Variants in MEOX2 observed in about 807,000 individuals in gnomAD.
MEOX2 encodes mesenchyme homeobox 2.
In MEOX2, 11 loss-of-function variants were observed where a neutral mutation model predicts 27.0. The observed-to-expected ratio is 0.41, with a 90% CI of 0.26 to 0.68. The LOEUF (loss-of-function observed/expected upper bound fraction) is 0.68. Ranked by LOEUF, MEOX2 falls within the 30% of genes least tolerant of loss-of-function variation. The pLI is 0.33. For synonymous variants in MEOX2, 189 were observed against 155.4 expected (o/e 1.22, Z -1.61); for missense variants, 436 against 385.4 (o/e 1.13, Z -1.10).
chr7:15,666,920 G>A (rs901022302), intron 1 of MEOX2, among the ~76,000 whole-genome samples: 1 of 150,120 alleles, frequency 6.7e-6, no homozygotes, highest in African/African-American at 2.5e-5. Flanking sequence ...ACTTGACAAG[G>A]TCCCTTATGT....
At chr7:15,644,426 A>C (rs41343244) in intron 1 of MEOX2, among the ~76,000 whole-genome samples, 3 of 152,138 alleles carry the variant, frequency 2.0e-5, no homozygotes, top group Non-Finnish European at 4.4e-5. Flanking sequence ...TATTTGTTCA[A>C]AGTGTTTCAC....
intron 1 of MEOX2, among the ~76,000 whole-genome samples, chr7:15,670,843 T>A (rs995559346): frequency 1.3e-5 from 2 of 152,166 alleles, no homozygotes; most frequent in African/African-American, 4.8e-5. Flanking sequence ...GGTCCTTGAC[T>A]CTCAGAACTT....
chr7:15,660,208 A>G (rs1781890708), intron 1 of MEOX2, among the ~76,000 whole-genome samples: 1 of 152,202 alleles, frequency 6.6e-6, no homozygotes. Context: ...GAAACACAAA[A>G]GAGCACAGAA....
At chr7:15,685,778 T>G in intron 1 of MEOX2, 108 bp downstream of exon 1, 1 of 1,428,112 alleles carries the variant, frequency 7.0e-7, no homozygotes, top group Non-Finnish European at 9.4e-7. Flanking sequence ...GGGCAACACA[T>G]TCCCATCTTC....
intron 1 of MEOX2, among the ~76,000 whole-genome samples, chr7:15,685,353 T>TA (rs113917849): frequency 0.13 from 19,601 of 146,572 alleles, 1,303 homozygotes; most frequent in Middle Eastern, 0.16. Context: ...ATAAGAATGT[T>TA]AAAAAAAAAA....
chr7:15,675,504 G>A (rs911673917), intron 1 of MEOX2, among the ~76,000 whole-genome samples: 3 of 152,110 alleles, frequency 2.0e-5, no homozygotes, highest in Non-Finnish European at 4.4e-5. Flanking sequence ...AATATTTTAC[G>A]AGATTTTCCT....
intron 1 of MEOX2, among the ~76,000 whole-genome samples, chr7:15,672,361 G>A (rs1166281743): frequency 2.6e-5 from 4 of 152,134 alleles, no homozygotes; most frequent in African/African-American, 9.7e-5. Context: ...TGCACAGAAT[G>A]TATATAGAAT....
chr7:15,677,092 C>T (rs545388618), intron 1 of MEOX2, among the ~76,000 whole-genome samples: 1 of 152,252 alleles, frequency 6.6e-6, no homozygotes, highest in South Asian at 2.1e-4. Flanking sequence ...ATGCCGTTTA[C>T]AATTCTAAGG....
chr7:15,651,254 G>T (rs568564702), intron 1 of MEOX2, among the ~76,000 whole-genome samples: 4 of 151,840 alleles, frequency 2.6e-5, no homozygotes, highest in African/African-American at 9.7e-5. Flanking sequence ...AAATATCCAC[G>T]CTCCTTGGAT....
intron 2 of MEOX2, among the ~76,000 whole-genome samples, chr7:15,613,449 T>G (rs771007836): frequency 4.0e-5 from 6 of 151,696 alleles, no homozygotes; most frequent in Admixed American, 6.6e-5. Flanking sequence ...AACTAGAATA[T>G]AATTGGCATT....
intron 1 of MEOX2, among the ~76,000 whole-genome samples, chr7:15,665,041 TCACACA>T (rs35772927): frequency 0.011 from 1,498 of 141,296 alleles, 25 homozygotes; most frequent in African/African-American, 0.032. Context: ...TAAGTGGACA[TCACACA>T]CACACACACA....
At chr7:15,649,919 T>C (rs954659966) in intron 1 of MEOX2, among the ~76,000 whole-genome samples, 1 of 152,100 alleles carries the variant, frequency 6.6e-6, no homozygotes, top group Admixed American at 6.6e-5. Flanking sequence ...GTCTCCATAT[T>C]AAGCCAACGC....
At chr7:15,633,799 A>C (rs1781439630) in intron 1 of MEOX2, among the ~76,000 whole-genome samples, 1 of 151,776 alleles carries the variant, frequency 6.6e-6, no homozygotes, top group Non-Finnish European at 1.5e-5. Context: ...GTAACTTATG[A>C]GTATGAATTT....
intron 1 of MEOX2, among the ~76,000 whole-genome samples, chr7:15,636,556 AT>A (rs1294990142): frequency 2.6e-5 from 4 of 152,044 alleles, no homozygotes; most frequent in African/African-American, 9.7e-5. Context: ...ACGAATCTGC[AT>A]TATAATCAAA....
At chr7:15,672,117 AC>A (rs1351160657) in intron 1 of MEOX2, among the ~76,000 whole-genome samples, 1 of 151,978 alleles carries the variant, frequency 6.6e-6, no homozygotes, top group Non-Finnish European at 1.5e-5. Context: ...AAACAAAAAA[AC>A]AAAGTGATCA....
chr7:15,666,892 G>A (rs565238159), intron 1 of MEOX2, among the ~76,000 whole-genome samples: 29 of 146,772 alleles, frequency 2.0e-4, no homozygotes, highest in Non-Finnish European at 4.3e-4. Context: ...AAGCCACACT[G>A]AATTAAATAT....
intron 1 of MEOX2, among the ~76,000 whole-genome samples, chr7:15,648,383 G>A (rs1034940744): frequency 7.2e-5 from 11 of 152,072 alleles, no homozygotes; most frequent in African/African-American, 2.7e-4. Flanking sequence ...TTTTATGCCG[G>A]TGCGGATGAA....
At chr7:15,641,413 T>C (rs1169201530) in intron 1 of MEOX2, among the ~76,000 whole-genome samples, 2 of 152,114 alleles carry the variant, frequency 1.3e-5, no homozygotes, top group East Asian at 1.9e-4. Context: ...TTGAAGTCTG[T>C]TTTATCAAAC....
At chr7:15,668,133 G>C (rs367899061) in intron 1 of MEOX2, 5 of 152,164 alleles carry the variant, frequency 3.3e-5, no homozygotes, top group African/African-American at 1.2e-4. Context: ...TGAACAACAG[G>C]GGGTGGAAAC....
Sources: gnomAD v4.1 joint callset for allele counts (sites outside exome capture counted in the v4.1 genomes callset) on GRCh38, gnomAD v4.1.1 for gene constraint, MANE v1.5 for transcripts, NCBI Gene and HGNC (gene_info 2026-07-23, HGNC 2026-07-21) for gene names.